Variants in DSCAM observed in about 807,000 individuals in gnomAD.
DSCAM encodes cell adhesion molecule DSCAM.
DSCAM carries 47 observed loss-of-function variants against 217.7 expected under a neutral mutation model. The ratio of observed to expected loss-of-function variants is 0.22; its 90% CI spans 0.17 to 0.28. DSCAM has a LOEUF of 0.28. Ranked by LOEUF, DSCAM falls within the 10% of genes least tolerant of loss-of-function variation. The pLI is 1.00. For synonymous variants in DSCAM, 1,056 were observed against 1,015.3 expected (o/e 1.04, Z -0.76); for missense variants, 2,080 against 2,618.3 (o/e 0.79, Z 4.49).
Position 40,561,308 on chromosome 21 carries a change from G to A in DSCAM, c.508+131502C>T, listed in dbSNP as rs139067109. On this transcript the variant is annotated intron_variant, in intron 3 of 32. Coordinates refer to ENST00000400454, the MANE Select transcript of DSCAM (RefSeq NM_001389.5). ...CCCCCTGGTGTTAACTTACCCTACA[G>A]TCAACAGTTCTTTTCAGGGTACATG... Among the ~76,000 whole-genome samples the A allele has an allele frequency of 3.1e-3, 479 of 152,310 alleles. 4 individuals are homozygous for A. Among genetic ancestry groups the A allele is most frequent in the Non-Finnish European group, 4.5e-3 (309 of 68,036 alleles).
chr21:40,108,897 G>C (rs2089857233), intron 20 of DSCAM, among the ~76,000 whole-genome samples: 1 of 152,066 alleles, frequency 6.6e-6, no homozygotes, highest in African/African-American at 2.4e-5. Context: ...CAAGCAATGG[G>C]GAAAGGACTC....
At chr21:40,724,690 A>G (rs74944744) in intron 1 of DSCAM, among the ~76,000 whole-genome samples, 3,288 of 152,310 alleles carry the variant, frequency 0.022, 123 homozygotes, top group African/African-American at 0.075. Context: ...GTACCTCAGC[A>G]TAAAAATGTA....
intron 20 of DSCAM, among the ~76,000 whole-genome samples, chr21:40,111,029 G>T (rs142825900): frequency 3.3e-5 from 5 of 152,236 alleles, no homozygotes; most frequent in African/African-American, 1.2e-4. Context: ...AATCTAGCAA[G>T]GCAGGCCAAC....
intron 20 of DSCAM, among the ~76,000 whole-genome samples, chr21:40,111,596 C>T (rs1364882816): frequency 2.6e-5 from 4 of 152,092 alleles, no homozygotes; most frequent in Non-Finnish European, 4.4e-5. Context: ...GGACTAAATG[C>T]TCCAATTAAA....
intron 10 of DSCAM, among the ~76,000 whole-genome samples, chr21:40,283,684 C>T (rs1601516183): frequency 6.6e-6 from 1 of 152,218 alleles, no homozygotes; most frequent in South Asian, 2.1e-4. Flanking sequence ...CCATGCCTTA[C>T]AGCAAGTGGC....
intron 5 of DSCAM, among the ~76,000 whole-genome samples, chr21:40,348,286 C>CAATCA (rs59041470): frequency 2.6e-4 from 15 of 58,034 alleles, no homozygotes; most frequent in South Asian, 4.8e-4. Context: ...GCAATCATAC[C>CAATCA]CCAGAGAGTT....
intron 1 of DSCAM, among the ~76,000 whole-genome samples, chr21:40,822,906 T>A (rs932972541): frequency 6.6e-6 from 1 of 152,158 alleles, no homozygotes; most frequent in Non-Finnish European, 1.5e-5. Context: ...TCTCAGCACT[T>A]TGGGAGGCCG....
At chr21:40,654,356 T>C (rs1249031869) in intron 3 of DSCAM, among the ~76,000 whole-genome samples, 1 of 152,152 alleles carries the variant, frequency 6.6e-6, no homozygotes, top group Non-Finnish European at 1.5e-5. Context: ...ACAAAATCAA[T>C]AGCAGTACTT....
Position 40,675,838 on chromosome 21 carries a change from TTAAC to T in DSCAM, c.508+16968_508+16971del, listed in dbSNP as rs149956494. ...TTGTCCCTCGTGCCGCCTCCTCAAT[TTAAC>T]TAACCCTTCAAAAGAGAAATATCTT... On this transcript the variant is annotated intron_variant, in intron 3 of 32. Coordinates refer to ENST00000400454, the MANE Select transcript of DSCAM (RefSeq NM_001389.5). Among the ~76,000 whole-genome samples, 427 of 152,326 alleles carry T rather than the reference TTAAC, an allele frequency of 2.8e-3. 3 individuals are homozygous for T. The highest frequency in any genetic ancestry group is 9.7e-3 in the African/African-American group (403 of 41,568).
chr21:40,501,517 G>A (rs1421346626), intron 3 of DSCAM, among the ~76,000 whole-genome samples: 1 of 152,048 alleles, frequency 6.6e-6, no homozygotes, highest in Non-Finnish European at 1.5e-5. Flanking sequence ...AGAATGTACT[G>A]ATTTCACTGA....
intron 11 of DSCAM, among the ~76,000 whole-genome samples, chr21:40,206,404 C>A (rs2091126432): frequency 6.6e-6 from 1 of 152,092 alleles, no homozygotes; most frequent in Non-Finnish European, 1.5e-5. Flanking sequence ...TAGGCCCGAC[C>A]TGTGGAGCTG....
At chr21:40,829,656 A>G (rs566866470) in intron 1 of DSCAM, among the ~76,000 whole-genome samples, 1 of 152,322 alleles carries the variant, frequency 6.6e-6, no homozygotes, top group South Asian at 2.1e-4. Flanking sequence ...TATCGAGATC[A>G]CTACAGACAG....
intron 3 of DSCAM, among the ~76,000 whole-genome samples, chr21:40,639,198 G>C (rs1339103368): frequency 6.6e-6 from 1 of 152,030 alleles, no homozygotes; most frequent in East Asian, 1.9e-4. Context: ...GATCCACAGG[G>C]GAGTAACGCC....
intron 9 of DSCAM, among the ~76,000 whole-genome samples, chr21:40,309,245 C>G (rs181778266): frequency 6.6e-6 from 1 of 152,172 alleles, no homozygotes; most frequent in African/African-American, 2.4e-5. Context: ...TCTGAAGCTC[C>G]TCTAATCAAG....
At chr21:40,807,122 A>G (rs1362173143) in intron 1 of DSCAM, among the ~76,000 whole-genome samples, 1 of 151,922 alleles carries the variant, frequency 6.6e-6, no homozygotes, top group Non-Finnish European at 1.5e-5. Flanking sequence ...TCAATCAATC[A>G]ATCAATCAAT....
chr21:40,689,214 T>G (rs2146443405), intron 3 of DSCAM, among the ~76,000 whole-genome samples: 1 of 152,362 alleles, frequency 6.6e-6, no homozygotes, highest in Admixed American at 6.5e-5. Context: ...TTAATTTTGC[T>G]TTTCATTAAA....
chr21:40,402,558 T>C lies in DSCAM; in HGVS notation c.509-33313A>G, dbSNP rs1409000640. ...TTCCACGGGGAGTAAACTATCTATATATTTCCAAGTGATACTGCTTTTCTT... is the reference window on the plus strand; with the variant it reads ...TTCCACGGGGAGTAAACTATCTATACATTTCCAAGTGATACTGCTTTTCTT... On this transcript the variant is annotated intron_variant, in intron 3 of 32. Coordinates refer to ENST00000400454, the MANE Select transcript of DSCAM (RefSeq NM_001389.5). Among the ~76,000 whole-genome samples the C allele has an allele frequency of 4.6e-5, 7 of 152,252 alleles. No individual in the cohort carries two copies. The East Asian group carries it at 1.4e-3, about 29-fold the overall frequency.
At chr21:40,374,123 G>T (rs549766989) in intron 3 of DSCAM, among the ~76,000 whole-genome samples, 2 of 152,060 alleles carry the variant, frequency 1.3e-5, no homozygotes, top group East Asian at 3.9e-4. Context: ...ATTTCACATC[G>T]TGTATACACA....
At chr21:40,772,035 C>T (rs1032748796) in intron 1 of DSCAM, among the ~76,000 whole-genome samples, 2 of 152,140 alleles carry the variant, frequency 1.3e-5, no homozygotes, top group African/African-American at 4.8e-5. Flanking sequence ...CTGATAACTT[C>T]AAAGTCAGGT....
Sources: gnomAD v4.1 joint callset for allele counts (sites outside exome capture counted in the v4.1 genomes callset) on GRCh38, gnomAD v4.1.1 for gene constraint, MANE v1.5 for transcripts, NCBI Gene and HGNC (gene_info 2026-07-23, HGNC 2026-07-21) for gene names.